The following IL1RAPL2 variants were observed in gnomAD, a reference collection of about 807,000 sequenced individuals.
IL1RAPL2 encodes the protein interleukin 1 receptor accessory protein like 2.
Under a neutral mutation model 44.1 loss-of-function variants are expected in IL1RAPL2, and 3 were observed. The observed-to-expected ratio is 0.07, with a 90% confidence interval of 0.03 to 0.18. IL1RAPL2 has a LOEUF of 0.18. IL1RAPL2 is among the 10% of genes least tolerant of loss of function. The pLI is 1.00. For synonymous variants in IL1RAPL2, 181 were observed against 178.8 expected (o/e 1.01, Z -0.10); for missense variants, 391 against 496.4 (o/e 0.79, Z 2.02).
rs184289115 is a variant in IL1RAPL2 at position 104,945,812 on chromosome X, T to C, written c.83-249663T>C. ...ATTAACACATCTTTCTTTGATGTGA[T>C]TCAGTATTAGTCATGGGTGAGTGTT... On this transcript the variant is annotated intron_variant, in intron 2 of 10. Transcript: ENST00000372582. 2.1e-4 allele frequency among the ~76,000 whole-genome samples: 23 copies of C among 111,893 alleles called. No individual in the cohort carries two copies. The East Asian group carries it at 6.2e-3, about 30-fold the overall frequency.
At chrX:105,583,116 T>C (rs768963123) in intron 6 of IL1RAPL2, among the ~76,000 whole-genome samples, 1 of 105,784 alleles carries the variant, frequency 9.5e-6, no homozygotes, top group South Asian at 4.3e-4. Context: ...GGGAAGGTTT[T>C]AACTAAGAAT....
intron 5 of IL1RAPL2, among the ~76,000 whole-genome samples, chrX:105,391,080 T>TA (rs751338194): frequency 1.4e-4 from 16 of 111,842 alleles, no homozygotes; most frequent in Admixed American, 2.9e-4. Flanking sequence ...TAGTTGTTTT[T>TA]ATCCATGTTT....
chrX:105,333,852 A>T (rs1002075831), intron 5 of IL1RAPL2, among the ~76,000 whole-genome samples: 21 of 112,261 alleles, frequency 1.9e-4, no homozygotes, highest in African/African-American at 6.8e-4. Context: ...AATGGCTTTC[A>T]TCCAAAAGAC....
At chrX:104,904,223 T>A (rs1923904568) in intron 2 of IL1RAPL2, among the ~76,000 whole-genome samples, 1 of 66,666 alleles carries the variant, frequency 1.5e-5, no homozygotes, top group East Asian at 4.1e-4. Context: ...ACTTATCTTC[T>A]TTTATATATA....
chrX:105,445,997 C>T (rs1301719399), intron 5 of IL1RAPL2, among the ~76,000 whole-genome samples: 1 of 110,951 alleles, frequency 9.0e-6, no homozygotes, highest in Non-Finnish European at 1.9e-5. Context: ...TGTGTAATTC[C>T]CCTGCTATTA....
chrX:105,192,320 T>C (rs1339411710), intron 2 of IL1RAPL2, among the ~76,000 whole-genome samples: 1 of 111,682 alleles, frequency 9.0e-6, no homozygotes, highest in Non-Finnish European at 1.9e-5. Context: ...TTCTTGCCCT[T>C]TTGTGACTTT....
At chrX:105,720,744 T>C (rs1263343528) in intron 7 of IL1RAPL2, among the ~76,000 whole-genome samples, 2 of 111,088 alleles carry the variant, frequency 1.8e-5, no homozygotes, top group Non-Finnish European at 3.8e-5. Context: ...TTGAATTATA[T>C]AGTAGACATA....
chrX:104,585,353 T>TATATTATATA (rs1928527815), intron 1 of IL1RAPL2, among the ~76,000 whole-genome samples: 1 of 19,689 alleles, frequency 5.1e-5, no homozygotes, highest in African/African-American at 4.0e-4. Flanking sequence ...TTATATATAT[T>TATATTATATA]ATATATATTA....
chrX:105,006,323 T>C (rs1602884356), intron 2 of IL1RAPL2, among the ~76,000 whole-genome samples: 1 of 110,175 alleles, frequency 9.1e-6, no homozygotes, highest in Admixed American at 9.8e-5. Flanking sequence ...TGGTTTTATG[T>C]AGACATTTAT....
chrX:104,582,798 T>C (rs1374545629), intron 1 of IL1RAPL2, among the ~76,000 whole-genome samples: 2 of 91,893 alleles, frequency 2.2e-5, no homozygotes, highest in Admixed American at 2.5e-4. Flanking sequence ...TTTCTTTCCC[T>C]CTCTCTCTTT....
intron 1 of IL1RAPL2, among the ~76,000 whole-genome samples, chrX:104,637,752 G>C (rs1929845007): frequency 9.2e-6 from 1 of 108,501 alleles, no homozygotes; most frequent in African/African-American, 3.4e-5. Flanking sequence ...ATGTTCCTCA[G>C]GGATATTGGC....
chrX:105,380,432 A>T (rs2035420969), intron 5 of IL1RAPL2, among the ~76,000 whole-genome samples: 1 of 111,134 alleles, frequency 9.0e-6, no homozygotes, highest in African/African-American at 3.3e-5. Flanking sequence ...AATTGTTTTC[A>T]TATAACATAC....
intron 6 of IL1RAPL2, among the ~76,000 whole-genome samples, chrX:105,515,511 T>C (rs1030919049): frequency 2.7e-5 from 3 of 110,319 alleles, no homozygotes; most frequent in African/African-American, 9.9e-5. Context: ...CACTTAGACC[T>C]TAAAAAAAAA....
At chrX:105,075,550 G>A (rs753268756) in intron 2 of IL1RAPL2, among the ~76,000 whole-genome samples, 2 of 111,705 alleles carry the variant, frequency 1.8e-5, no homozygotes, top group East Asian at 5.6e-4. Context: ...GATGATGCTG[G>A]CCTCATAAAA....
chrX:105,016,535 T>C (rs894585636), intron 2 of IL1RAPL2, among the ~76,000 whole-genome samples: 1 of 111,708 alleles, frequency 9.0e-6, no homozygotes, highest in Non-Finnish European at 1.9e-5. Context: ...GGCTGTTGAA[T>C]TTTGTCAAAT....
At chrX:104,943,937 A>C (rs1229366255) in intron 2 of IL1RAPL2, among the ~76,000 whole-genome samples, 2 of 112,065 alleles carry the variant, frequency 1.8e-5, no homozygotes, top group Admixed American at 1.9e-4. Context: ...TTGTTCAATA[A>C]ACAAATAATA....
chrX:105,088,712 A>C (rs1199272114), intron 2 of IL1RAPL2, among the ~76,000 whole-genome samples: 1 of 111,718 alleles, frequency 9.0e-6, no homozygotes, highest in Non-Finnish European at 1.9e-5. Flanking sequence ...TGTATGCTTA[A>C]ATAGAGACCC....
chrX:105,485,970 G>T (rs1311299323), intron 6 of IL1RAPL2, among the ~76,000 whole-genome samples: 3 of 111,792 alleles, frequency 2.7e-5, no homozygotes, highest in Non-Finnish European at 5.7e-5. Context: ...TTGGGTATAT[G>T]CCTAGCTGTG....
At chrX:105,391,619 A>G (rs1481063387) in intron 5 of IL1RAPL2, among the ~76,000 whole-genome samples, 8 of 101,009 alleles carry the variant, frequency 7.9e-5, no homozygotes, top group African/African-American at 2.6e-4. Context: ...TAGAAATGCC[A>G]TTTGACCCAG....
Sources: allele counts gnomAD v4.1 joint callset (sites outside exome capture counted in the v4.1 genomes callset), GRCh38; gene constraint gnomAD v4.1.1; transcripts MANE v1.5; gene names NCBI Gene and HGNC (gene_info 2026-07-23, HGNC 2026-07-21).